The following ELN variants were observed in gnomAD, a reference collection of about 807,000 sequenced individuals.
The protein encoded by ELN is elastin, also known as tropoelastin.
Under a neutral mutation model 105.8 loss-of-function variants are expected in ELN, and 65 were observed. That is an observed-to-expected ratio of 0.61 (90% CI 0.50 to 0.75). The LOEUF (loss-of-function observed/expected upper bound fraction) is 0.75, where lower values mean the gene tolerates loss of function less well. Ranked by LOEUF, ELN falls within the 30% of genes least tolerant of loss-of-function variation. The pLI is 0.00. For synonymous variants in ELN, 368 were observed against 389.2 expected (o/e 0.95, Z 0.64); for missense variants, 882 against 969.4 (o/e 0.91, Z 1.20).
intron 25 of ELN, among the ~76,000 whole-genome samples, chr7:74,060,801 C>T (rs1796484048): frequency 6.6e-6 from 1 of 152,222 alleles, no homozygotes; most frequent in Admixed American, 6.5e-5. Flanking sequence ...CCTGGCTCCC[C>T]TTCAGCAGTG....
chr7:74,043,058 C>T, intron 7 of ELN, 24 bp downstream of exon 7: 1 of 1,614,142 alleles, frequency 6.2e-7, no homozygotes, highest in Non-Finnish European at 8.5e-7. Flanking sequence ...CCCCGAACTC[C>T]CTGGGTCAAA....
At chr7:74,040,481 C>G (rs1401720244) in intron 4 of ELN, among the ~76,000 whole-genome samples, 1 of 152,252 alleles carries the variant, frequency 6.6e-6, no homozygotes, top group African/African-American at 2.4e-5. Flanking sequence ...GGGGGGACCT[C>G]TCCAGGGTAC....
intron 25 of ELN, 86 bp from the exon 26 acceptor site, chr7:74,061,015 C>T (rs1227637501): frequency 1.9e-6 from 3 of 1,538,760 alleles, no homozygotes; most frequent in East Asian, 2.2e-5. Context: ...CCAAGGAAGT[C>T]AGGGAGGGCT....
rs782412839 is a variant in ELN at position 74,045,280 on chromosome 7, G to A, written c.528G>A (p.Lys176=). The A allele has an allele frequency of 2.2e-5, 36 of 1,613,996 alleles. No individual in the cohort carries two copies. In the Admixed American group the frequency reaches 6.0e-4, roughly 27 times the overall value. The change falls in exon 10 of 33, where the codon AAG becomes AAA. Residue 176 remains lysine, a synonymous_variant. Coordinates refer to ENST00000252034, the MANE Select transcript of ELN (RefSeq NM_000501.4). Reference sequence around the variant, plus strand: ...GAGTTCCCACTGGAGCAGGAGTTAAGCCCAAGGCTCCAGGTATGCAGCTGT... The same window carrying A: ...GAGTTCCCACTGGAGCAGGAGTTAAACCCAAGGCTCCAGGTATGCAGCTGT... The part of the protein sequence containing the change: ...LPGVPTGAGV[K]PKAPGVGGAF...
rs372566075 is a variant in ELN at position 74,041,221 on chromosome 7, G to A, written c.202G>A (p.Gly68Arg). ...TCTCTGTTTCTTATCCACAGTTCCC[G>A]GAGGGCTTGCGGGTGCTGGCCTTGG... is the stretch of plus-strand genomic sequence containing the variant. ...PGGKPLKPVPGGLAGAGLGAG... is the reference protein window; with the variant it reads ...PGGKPLKPVPRGLAGAGLGAG... The change falls in exon 5 of 33, where the codon GGA becomes AGA. Residue 68 changes from glycine (G) to arginine (R), a missense_variant. By Grantham distance (125) the Gly-to-Arg change is moderately radical (BLOSUM62 -2). Transcript: ENST00000252034. The A allele has an allele frequency of 3.5e-5, 56 of 1,613,892 alleles. No individual in the cohort carries two copies. Among genetic ancestry groups the A allele is most frequent in the African/African-American group, 2.4e-4 (18 of 74,908 alleles).
intron 22 of ELN, among the ~76,000 whole-genome samples, chr7:74,058,231 TTCC>T (rs1246749157): frequency 1.7e-4 from 24 of 145,134 alleles, no homozygotes; most frequent in Middle Eastern, 3.5e-3. Flanking sequence ...CTTCTTCTTC[TTCC>T]TCTTTTTCTC....
chr7:74,047,683 G>A lies in ELN; in HGVS notation c.652G>A (p.Gly218Arg). 6.2e-7 allele frequency: 1 copy of A among 1,614,192 alleles called. No individual in the cohort carries two copies. Among genetic ancestry groups the A allele is most frequent in the Non-Finnish European group, 8.5e-7 (1 of 1,180,018 alleles). The change falls in exon 13 of 33, where the codon GGA becomes AGA. Residue 218 changes from glycine (G) to arginine (R), a missense_variant. Transcript: ENST00000252034. ...IKAPKLPGGY[G>R]LPYTTGKLPY... ...CTCTGTCCTCTCTCCAGGTGGCTAT[G>A]GACTGCCCTACACCACAGGGAAACT...
Position 74,069,233 on chromosome 7 carries a change from C to T in ELN, c.*533C>T, listed in dbSNP as rs782742217. On this transcript the variant is annotated 3_prime_UTR_variant, in exon 33 of 33. Coordinates refer to ENST00000252034, the MANE Select transcript of ELN (RefSeq NM_000501.4). ...CCCTCCTCTCCTGGGTCCACTTGGC[C>T]GTCTCCTCCCCACCGATCGCTGTTC... 3 of 245,566 alleles carry T rather than the reference C, an allele frequency of 1.2e-5. No individual in the cohort carries two copies. Among genetic ancestry groups the T allele is most frequent in the Non-Finnish European group, 2.4e-5 (3 of 124,656 alleles). The allele number at this position is 245,566 out of a possible 1,614,324, so 15.2% of individuals were successfully genotyped here. A position where few individuals can be genotyped will look rare whatever the true frequency, so the allele number is the denominator to read the frequency against.
intron 12 of ELN, 117 bp downstream of exon 12, chr7:74,046,884 G>A: frequency 8.4e-7 from 1 of 1,187,850 alleles, no homozygotes; most frequent in South Asian, 1.3e-5. Context: ...AGGAGTTCAA[G>A]ACTAGCCTGG....
intron 5 of ELN, among the ~76,000 whole-genome samples, chr7:74,042,067 A>G (rs1279496985): frequency 6.6e-6 from 1 of 151,874 alleles, no homozygotes; most frequent in Non-Finnish European, 1.5e-5. Flanking sequence ...AAGGGAAAAA[A>G]AAAAAAAGAG....
At chr7:74,040,384 C>T (rs1790918263) in intron 4 of ELN, among the ~76,000 whole-genome samples, 1 of 152,202 alleles carries the variant, frequency 6.6e-6, no homozygotes, top group Non-Finnish European at 1.5e-5. Flanking sequence ...ATGAGGCTGG[C>T]TGAGTTTCAG....
intron 29 of ELN, among the ~76,000 whole-genome samples, chr7:74,064,267 T>A (rs1797416925): frequency 6.6e-6 from 1 of 150,854 alleles, no homozygotes; most frequent in South Asian, 2.1e-4. Context: ...TACAAAAAAT[T>A]AGCTGGGCGT....
At chr7:74,042,265 CA>C (rs35110641) in intron 5 of ELN, among the ~76,000 whole-genome samples, 112 of 144,482 alleles carry the variant, frequency 7.8e-4, no homozygotes, top group Admixed American at 1.2e-3. Context: ...ACAAAAAATA[CA>C]AAAAAAAAAA....
intron 18 of ELN, 41 bp downstream of exon 18, chr7:74,053,350 G>GTA: frequency 6.2e-7 from 1 of 1,601,732 alleles, no homozygotes; most frequent in Non-Finnish European, 8.5e-7. Flanking sequence ...GTGTGTGTGT[G>GTA]TGTGTGTGTA....
intron 32 of ELN, among the ~76,000 whole-genome samples, 154 bp downstream of exon 32, chr7:74,066,930 T>A (rs1239246117): frequency 6.6e-6 from 1 of 152,212 alleles, no homozygotes; most frequent in Admixed American, 6.5e-5. Context: ...CCGAGCTGAA[T>A]GTAGAGCCTC....
chr7:74,049,068 TATCCATCCATCC>T (rs57228775), intron 15 of ELN, among the ~76,000 whole-genome samples: 1 of 132,982 alleles, frequency 7.5e-6, no homozygotes, highest in Non-Finnish European at 1.6e-5. Context: ...TCCATCCATC[TATCCATCCATCC>T]ATCCATCCAT....
intron 5 of ELN, among the ~76,000 whole-genome samples, chr7:74,042,284 C>T (rs1791411908): frequency 2.0e-5 from 3 of 151,528 alleles, no homozygotes; most frequent in Non-Finnish European, 2.9e-5. Context: ...AAAAATTTGC[C>T]GGGCACAGTG....
At chr7:74,064,431 T>A (rs1411955545) in intron 29 of ELN, among the ~76,000 whole-genome samples, 144 of 137,844 alleles carry the variant, frequency 1.0e-3, no homozygotes, top group African/African-American at 3.3e-3. Context: ...AAAATATATA[T>A]ATATATATAT....
intron 3 of ELN, among the ~76,000 whole-genome samples, chr7:74,037,400 G>A (rs1339315485): frequency 1.3e-5 from 2 of 151,904 alleles, no homozygotes; most frequent in East Asian, 3.9e-4. Flanking sequence ...CACCATGTTT[G>A]CCAGGCTGGT....
Sources: allele counts gnomAD v4.1 joint callset (sites outside exome capture counted in the v4.1 genomes callset), GRCh38; gene constraint gnomAD v4.1.1; transcripts MANE v1.5; gene names NCBI Gene and HGNC (gene_info 2026-07-23, HGNC 2026-07-21).